ADGRB1: variants seen among roughly 807,000 people sequenced by gnomAD.
The protein encoded by ADGRB1 is adhesion G protein-coupled receptor B1.
A neutral mutation model predicts 175.7 loss-of-function variants in ADGRB1; 36 were observed. The observed-to-expected ratio is 0.20, with a 90% CI of 0.16 to 0.27. The LOEUF is 0.27. ADGRB1 is among the 10% of genes least tolerant of loss of function. The pLI is 1.00. For missense variants in ADGRB1, 1,731 were observed against 2,255.3 expected (o/e 0.77, Z 4.71); for synonymous variants, 1,054 against 979.4 (o/e 1.08, Z -1.42).
In ADGRB1 at chr8:142,533,430, C is replaced by G. The variant is rs773940546; in HGVS notation, c.3534C>G (p.Phe1178Leu). ...LFAVFDSLEGFVIVMVHCILR... is the reference protein window; with the variant it reads ...LFAVFDSLEGLVIVMVHCILR... Reference sequence around the variant, plus strand: ...CTGTCTTCGACTCGCTGGAGGGCTTCGTCATCGTCATGGTGCACTGTATCC... The same window carrying G: ...CTGTCTTCGACTCGCTGGAGGGCTTGGTCATCGTCATGGTGCACTGTATCC... The change falls in exon 25 of 31, where the codon TTC becomes TTG. Residue 1178 changes from phenylalanine (F) to leucine (L), a missense_variant. Transcript: ENST00000517894. The G allele has an allele frequency of 1.9e-6, 3 of 1,612,308 alleles. No individual in the cohort carries two copies. Among genetic ancestry groups the G allele is most frequent in the Non-Finnish European group, 2.5e-6 (3 of 1,179,124 alleles).
intron 25 of ADGRB1, 99 bp from the exon 26 acceptor site, chr8:142,536,888 C>T (rs561042668): frequency 1.3e-4 from 136 of 1,051,984 alleles, no homozygotes; most frequent in Non-Finnish European, 1.7e-4. Context: ...TGCCCTTCCC[C>T]GAGACGCCCG....
chr8:142,469,335 G>A (rs1401655101), intron 2 of ADGRB1, among the ~76,000 whole-genome samples: 4 of 151,920 alleles, frequency 2.6e-5, no homozygotes, highest in Non-Finnish European at 5.9e-5. Context: ...ACATGCATGT[G>A]TGTGAATGTG....
At chr8:142,535,144 C>T (rs760725096) in intron 25 of ADGRB1, among the ~76,000 whole-genome samples, 11 of 152,186 alleles carry the variant, frequency 7.2e-5, no homozygotes, top group South Asian at 6.2e-4. Flanking sequence ...ATAGAAAAGA[C>T]GGAAATTGGA....
chr8:142,541,069 C>T (rs1471449933), intron 27 of ADGRB1, among the ~76,000 whole-genome samples: 1 of 151,984 alleles, frequency 6.6e-6, no homozygotes, highest in Non-Finnish European at 1.5e-5. Context: ...GGTGGGTAAC[C>T]ATCTGCCAGC....
intron 19 of ADGRB1, among the ~76,000 whole-genome samples, chr8:142,520,124 T>C (rs1225888957): frequency 6.8e-6 from 1 of 147,674 alleles, no homozygotes; most frequent in Non-Finnish European, 1.5e-5. Flanking sequence ...GATTGTATGA[T>C]GATGATGGTG....
Position 142,455,739 on chromosome 8 carries a change from C to T in ADGRB1, c.-220+5635C>T, listed in dbSNP as rs191321419. Among the ~76,000 whole-genome samples the T allele has an allele frequency of 5.3e-5, 8 of 152,298 alleles. No homozygotes were observed. Among genetic ancestry groups the T allele is most frequent in the East Asian group, 1.9e-4 (1 of 5,172 alleles). ...CTTTGAAGTAAGAAACGCAGAGGAG[C>T]GGCCAGGAGGCTGAGAAGATGGTGC... is the stretch of plus-strand genomic sequence containing the variant. On this transcript the variant is annotated intron_variant, in intron 1 of 30. Transcript: ENST00000517894. The surrounding 1 kb of genome is among the most constrained non-coding windows in gnomAD (Gnocchi z 4.9).
chr8:142,464,856 G>T lies in ADGRB1; in HGVS notation c.658G>T (p.Ala220Ser). ...CCCCTGCGCCTGCCTGGGCGGCGAG[G>T]CGGGCGGCCCTGCCGCGGGACCCCT... ...QTPCACLGGE[A>S]GGPAAGPLAP... The change falls in exon 2 of 31, where the codon GCG becomes TCG. Residue 220 changes from alanine to serine, a missense_variant. Coordinates refer to ENST00000517894, the MANE Select transcript of ADGRB1 (RefSeq NM_001702.3). 2 of 1,522,182 alleles carry T rather than the reference G, an allele frequency of 1.3e-6. No individual in the cohort carries two copies. The highest frequency in any genetic ancestry group is 2.5e-5 in the East Asian group (1 of 40,134). The allele number at this position is 1,522,182 out of a possible 1,614,324, so 94.3% of individuals were successfully genotyped here. A position where few individuals can be genotyped will look rare whatever the true frequency, so the allele number is the denominator to read the frequency against.
Position 142,465,063 on chromosome 8 carries a change from G to A in ADGRB1, c.784+81G>A, listed in dbSNP as rs879366366. ...GGGCAGACAGGGGAGGCGGGCGGATGGGGGAAGTGGGCGGACAGAGGAGGT... is the reference window on the plus strand; with the variant it reads ...GGGCAGACAGGGGAGGCGGGCGGATAGGGGAAGTGGGCGGACAGAGGAGGT... On this transcript the variant is annotated intron_variant, in intron 2 of 30. Transcript: ENST00000517894. 111 of 1,254,252 alleles carry A rather than the reference G, an allele frequency of 8.8e-5. No homozygotes were observed. In the Middle Eastern group the frequency reaches 1.2e-3, roughly 13 times the overall value. 77.7% of individuals were successfully genotyped at this position (1,254,252 alleles called of 1,614,324 possible). A position where few individuals can be genotyped will look rare whatever the true frequency, so the allele number is the denominator to read the frequency against.
Position 142,511,391 on chromosome 8 carries a change from G to T in ADGRB1, c.2817+318G>T, listed in dbSNP as rs935665585. ...CTCCGAGGGAGCCTGGGCCTGGGGA[G>T]AGGCTGGGTCCTGAGCCGGGGGCTG... On this transcript the variant is annotated intron_variant, in intron 18 of 30. Coordinates refer to ENST00000517894, the MANE Select transcript of ADGRB1 (RefSeq NM_001702.3). The surrounding 1 kb of genome is among the most constrained non-coding windows in gnomAD (Gnocchi z 4.5). 6.6e-6 allele frequency among the ~76,000 whole-genome samples: 1 copy of T among 152,120 alleles called. No individual in the cohort carries two copies. Among genetic ancestry groups the T allele is most frequent in the Non-Finnish European group, 1.5e-5 (1 of 68,000 alleles).
chr8:142,513,153 G>A (rs1035049889), intron 18 of ADGRB1, among the ~76,000 whole-genome samples: 1 of 152,190 alleles, frequency 6.6e-6, no homozygotes, highest in Non-Finnish European at 1.5e-5. Context: ...ATTTGAGGCC[G>A]GGGCACAGGG....
intron 30 of ADGRB1, 35 bp from the exon 31 acceptor site, chr8:142,544,185 G>C: frequency 6.5e-7 from 1 of 1,545,154 alleles, no homozygotes; most frequent in African/African-American, 1.4e-5. Flanking sequence ...CTCCCTCCGG[G>C]CCCCACCCCT....
chr8:142,525,301 G>C (rs1348059968), intron 23 of ADGRB1, among the ~76,000 whole-genome samples: 1 of 151,570 alleles, frequency 6.6e-6, no homozygotes, highest in East Asian at 2.0e-4. Flanking sequence ...TGGGGTACCT[G>C]GCGGTACCCC....
At chr8:142,536,307 G>A (rs1449357146) in intron 25 of ADGRB1, among the ~76,000 whole-genome samples, 3 of 152,052 alleles carry the variant, frequency 2.0e-5, no homozygotes, top group Non-Finnish European at 2.9e-5. Flanking sequence ...CTGGCCCCAC[G>A]GGAGGGACAG....
Position 142,467,186 on chromosome 8 carries a change from G to A in ADGRB1, c.784+2204G>A, listed in dbSNP as rs112311560. 2.5e-3 allele frequency among the ~76,000 whole-genome samples: 376 copies of A among 152,362 alleles called. 4 individuals carry two copies. Among genetic ancestry groups the A allele is most frequent in the South Asian group, 0.022 (105 of 4,828 alleles). ...AGGCACCCTATGGTGTAAGGTGGTCGGGCCTCCCGTGGGAGATCCCACGTT... is the reference window on the plus strand; with the variant it reads ...AGGCACCCTATGGTGTAAGGTGGTCAGGCCTCCCGTGGGAGATCCCACGTT... On this transcript the variant is annotated intron_variant, in intron 2 of 30. Transcript: ENST00000517894.
Position 142,487,721 on chromosome 8 carries a change from C to A in ADGRB1, c.2309-643C>A, listed in dbSNP as rs147074028. ...CCCCAAACCTGCTGCCTCGTCCCCACGTCCATTTGCCCCTAAACGTGCTGC... is the reference window on the plus strand; with the variant it reads ...CCCCAAACCTGCTGCCTCGTCCCCAAGTCCATTTGCCCCTAAACGTGCTGC... On this transcript the variant is annotated intron_variant, in intron 13 of 30. Transcript: ENST00000517894. 1.2e-4 allele frequency among the ~76,000 whole-genome samples: 18 copies of A among 152,302 alleles called. 1 individual carries two copies. The highest frequency in any genetic ancestry group is 3.3e-4 in the Admixed American group (5 of 15,306).
At chr8:142,507,081 C>A (rs1310027171) in intron 17 of ADGRB1, among the ~76,000 whole-genome samples, 2 of 152,196 alleles carry the variant, frequency 1.3e-5, no homozygotes, top group African/African-American at 4.8e-5. Flanking sequence ...TGAACTTGGA[C>A]AATCGCTGCT....
intron 1 of ADGRB1, among the ~76,000 whole-genome samples, chr8:142,462,419 G>C (rs543085527): frequency 2.0e-5 from 3 of 152,338 alleles, no homozygotes; most frequent in African/African-American, 7.2e-5. Flanking sequence ...GAGGCTTTGT[G>C]GTGAGAGATG....
Position 142,537,199 on chromosome 8 carries a change from GA to G in ADGRB1, c.3666+118del. ...TAGGCCCCAGCAACCCTGCTGAGAG[GA>G]GCTCTGAACCCAGTGTGCAGTTGGG... is the stretch of plus-strand genomic sequence containing the variant. On this transcript the variant is annotated intron_variant, in intron 26 of 30. Coordinates refer to ENST00000517894, the MANE Select transcript of ADGRB1 (RefSeq NM_001702.3). The surrounding 1 kb of genome is among the most constrained non-coding windows in gnomAD (Gnocchi z 4.6). 1 of 789,976 alleles carries G rather than the reference GA, an allele frequency of 1.3e-6. No homozygotes were observed. Among genetic ancestry groups the G allele is most frequent in the Non-Finnish European group, 1.8e-6 (1 of 540,756 alleles). 48.9% of individuals were successfully genotyped at this position (789,976 alleles called of 1,614,324 possible).
Position 142,455,406 on chromosome 8 carries a change from G to A in ADGRB1, c.-220+5302G>A, listed in dbSNP as rs1587236532. On this transcript the variant is annotated intron_variant, in intron 1 of 30. Transcript: ENST00000517894. The surrounding 1 kb of genome is among the most constrained non-coding windows in gnomAD (Gnocchi z 4.9). ...TGTTCTCTCGGGCATCCCTCTCTGG[G>A]GCTTGGTCAGGGGAAGGGCACGACA... Among the ~76,000 whole-genome samples the A allele has an allele frequency of 1.3e-5, 2 of 152,140 alleles. No individual in the cohort carries two copies. The highest frequency in any genetic ancestry group is 2.1e-4 in the South Asian group (1 of 4,822).
Sources: gnomAD v4.1 joint callset for allele counts (sites outside exome capture counted in the v4.1 genomes callset) on GRCh38, gnomAD v4.1.1 for gene constraint, Gnocchi (gnomAD v3.1) non-coding constraint, MANE v1.5 for transcripts, NCBI Gene and HGNC (gene_info 2026-07-23, HGNC 2026-07-21) for gene names.